NELL1: variants seen among roughly 807,000 people sequenced by gnomAD.
NELL1 encodes protein kinase C-binding protein NELL1.
Under a neutral mutation model 107.4 loss-of-function variants are expected in NELL1, and 76 were observed. That is an observed-to-expected ratio of 0.71 (90% CI 0.59 to 0.86). The LOEUF is 0.86. Among genes scored for constraint, NELL1 ranks in the 40% least tolerant of loss-of-function variants. The pLI is 0.00. For synonymous variants in NELL1, 353 were observed against 341.2 expected (o/e 1.03, Z -0.38); for missense variants, 1,024 against 1,005.5 (o/e 1.02, Z -0.25).
intron 16 of NELL1, among the ~76,000 whole-genome samples, chr11:21,547,044 C>G (rs1030584152): frequency 2.0e-5 from 3 of 151,794 alleles, no homozygotes; most frequent in African/African-American, 7.3e-5. Context: ...GGAGTGGGGA[C>G]AGTGGAAGTG....
chr11:21,067,697 A>G (rs1316527455), intron 12 of NELL1, among the ~76,000 whole-genome samples: 1 of 152,174 alleles, frequency 6.6e-6, no homozygotes, highest in Non-Finnish European at 1.5e-5. Flanking sequence ...TTTCTAAAAT[A>G]GTATAATCTA....
chr11:21,299,419 G>A (rs1369273505), intron 14 of NELL1, among the ~76,000 whole-genome samples: 2 of 151,794 alleles, frequency 1.3e-5, no homozygotes, highest in Admixed American at 6.6e-5. Flanking sequence ...CCAGAAACTT[G>A]TGCTTAATTG....
At chr11:20,909,604 T>TA (rs34350255) in intron 5 of NELL1, among the ~76,000 whole-genome samples, 87,631 of 152,020 alleles carry the variant, frequency 0.58, 30,279 homozygotes, top group Non-Finnish European at 0.78. Context: ...CCAATGAAGT[T>TA]ACTCTCTTGC....
chr11:21,372,479 G>C (rs907277885), intron 15 of NELL1, among the ~76,000 whole-genome samples: 1 of 151,916 alleles, frequency 6.6e-6, no homozygotes, highest in Non-Finnish European at 1.5e-5. Flanking sequence ...AAACAAAGGA[G>C]TTAGATATTA....
At chr11:21,369,590 C>A (rs1328346957) in intron 14 of NELL1, among the ~76,000 whole-genome samples, 1 of 151,968 alleles carries the variant, frequency 6.6e-6, no homozygotes, top group African/African-American at 2.4e-5. Context: ...GCTTTCTGAA[C>A]ACATCATGTG....
intron 12 of NELL1, among the ~76,000 whole-genome samples, chr11:21,037,040 A>G (rs904380265): frequency 2.0e-5 from 3 of 151,948 alleles, no homozygotes; most frequent in Non-Finnish European, 4.4e-5. Flanking sequence ...AGCAGCAATT[A>G]TCATAGGGAT....
At chr11:21,537,332 C>T (rs1213476474) in intron 16 of NELL1, among the ~76,000 whole-genome samples, 1 of 152,082 alleles carries the variant, frequency 6.6e-6, no homozygotes, top group Non-Finnish European at 1.5e-5. Flanking sequence ...ATTGTTCCTG[C>T]CTGCTTCTTG....
chr11:21,459,842 C>G lies in NELL1; in HGVS notation c.1646-74532C>G, dbSNP rs532796742. On this transcript the variant is annotated intron_variant, in intron 15 of 19. Transcript: ENST00000357134. ...TCAAAGGATGAAAGGGCTTTGTATG[C>G]AGACCAATGAACTAAAGATCTACAA... Among the ~76,000 whole-genome samples the G allele has an allele frequency of 3.9e-5, 6 of 152,090 alleles. No individual in the cohort carries two copies. In the East Asian group the frequency reaches 7.8e-4, roughly 20 times the overall value.
At chr11:21,243,203 A>G (rs1858406857) in intron 14 of NELL1, among the ~76,000 whole-genome samples, 1 of 152,180 alleles carries the variant, frequency 6.6e-6, no homozygotes, top group South Asian at 2.1e-4. Flanking sequence ...AATTTATTTT[A>G]GATTTTTATT....
intron 7 of NELL1, among the ~76,000 whole-genome samples, chr11:20,925,681 A>G (rs1158828687): frequency 1.3e-5 from 2 of 152,126 alleles, no homozygotes; most frequent in African/African-American, 4.8e-5. Flanking sequence ...GTCAACTCTT[A>G]GTTCTTTAGG....
chr11:21,229,325 G>GA lies in NELL1; in HGVS notation c.1427-4dup. 1 of 1,613,620 alleles carries GA rather than the reference G, an allele frequency of 6.2e-7. No homozygotes were observed. Reference sequence around the variant, plus strand: ...GTATTTCTCTTTTTCTCTCACCCTGGAAACAGAACACGATGAATGTGGCAG... The same window carrying GA: ...GTATTTCTCTTTTTCTCTCACCCTGGAAAACAGAACACGATGAATGTGGCAG... On this transcript the variant is annotated splice_polypyrimidine_tract_variant and splice_region_variant and intron_variant, in intron 13 of 19. Coordinates refer to ENST00000357134, the MANE Select transcript of NELL1 (RefSeq NM_006157.5).
At chr11:21,335,381 G>T (rs183815564) in intron 14 of NELL1, among the ~76,000 whole-genome samples, 1 of 151,910 alleles carries the variant, frequency 6.6e-6, no homozygotes, top group Non-Finnish European at 1.5e-5. Context: ...CAGTACCTGA[G>T]TTTTTTCTTA....
At chr11:21,059,843 A>C (rs1364043325) in intron 12 of NELL1, among the ~76,000 whole-genome samples, 6 of 152,218 alleles carry the variant, frequency 3.9e-5, no homozygotes, top group Non-Finnish European at 7.3e-5. Context: ...TAAAAAAATC[A>C]GTTCATCTTA....
rs866746954 is a variant in NELL1, at chr11:21,509,045, A to G, written c.1646-25329A>G. On this transcript the variant is annotated intron_variant, in intron 15 of 19. Coordinates refer to ENST00000357134, the MANE Select transcript of NELL1 (RefSeq NM_006157.5). ...ATACAAATACATTTTAAAAATCTACATAAATAGTAAAACAAATTAAGTGGG... is the reference window on the plus strand; with the variant it reads ...ATACAAATACATTTTAAAAATCTACGTAAATAGTAAAACAAATTAAGTGGG... Among the ~76,000 whole-genome samples, 5 of 152,312 alleles carry G rather than the reference A, an allele frequency of 3.3e-5. No individual in the cohort carries two copies. The South Asian group carries it at 1.0e-3, about 32-fold the overall frequency.
intron 15 of NELL1, among the ~76,000 whole-genome samples, chr11:21,434,038 A>T (rs1160548632): frequency 6.6e-6 from 1 of 152,082 alleles, no homozygotes; most frequent in Non-Finnish European, 1.5e-5. Context: ...TTTTAATGGG[A>T]TTATATGGTC....
chr11:20,972,598 C>A (rs187158173), intron 12 of NELL1, among the ~76,000 whole-genome samples: 1 of 152,218 alleles, frequency 6.6e-6, no homozygotes, highest in East Asian at 1.9e-4. Flanking sequence ...TGACTGAAAA[C>A]CTGGAGTTAC....
intron 15 of NELL1, among the ~76,000 whole-genome samples, chr11:21,471,687 C>T (rs1358691646): frequency 6.6e-6 from 1 of 151,964 alleles, no homozygotes; most frequent in Admixed American, 6.6e-5. Flanking sequence ...GAAAGTAAGG[C>T]TTGGAGAGTT....
intron 12 of NELL1, among the ~76,000 whole-genome samples, chr11:21,081,466 C>T (rs1038499699): frequency 6.6e-6 from 1 of 152,090 alleles, no homozygotes; most frequent in African/African-American, 2.4e-5. Flanking sequence ...GAATTTGTAT[C>T]CAAATGCCCA....
At chr11:21,572,682 G>A (rs1857128256) in intron 18 of NELL1, among the ~76,000 whole-genome samples, 1 of 151,824 alleles carries the variant, frequency 6.6e-6, no homozygotes, top group African/African-American at 2.4e-5. Flanking sequence ...TGGTTATCTT[G>A]ACATTGCCCA....
Sources: gnomAD v4.1 joint callset for allele counts (sites outside exome capture counted in the v4.1 genomes callset) on GRCh38, gnomAD v4.1.1 for gene constraint, MANE v1.5 for transcripts, NCBI Gene and HGNC (gene_info 2026-07-23, HGNC 2026-07-21) for gene names.